The following SLF1 variants were observed in gnomAD, a reference collection of about 807,000 sequenced individuals.
SLF1 encodes SMC5-SMC6 complex localization factor protein 1.
A neutral mutation model predicts 123.0 loss-of-function variants in SLF1; 105 were observed. The observed-to-expected ratio is 0.85, with a 90% confidence interval of 0.73 to 1.00. The LOEUF (loss-of-function observed/expected upper bound fraction) is 1.00, where lower values mean the gene tolerates loss of function less well. Among genes scored for constraint, SLF1 ranks in the 50% least tolerant of loss-of-function variants. The pLI is 0.00. For missense variants in SLF1, 1,239 were observed against 1,223.0 expected (o/e 1.01, Z -0.20); for synonymous variants, 434 against 406.6 (o/e 1.07, Z -0.81).
intron 4 of SLF1, among the ~76,000 whole-genome samples, chr5:94,631,970 C>CTTTTTTT (rs1021934536): frequency 9.2e-6 from 1 of 108,788 alleles, no homozygotes; most frequent in Non-Finnish European, 1.9e-5. Flanking sequence ...TTTTTTCTTT[C>CTTTTTTT]TTTTTTTTTT....
At chr5:94,657,535 C>G (rs1748552153) in intron 9 of SLF1, among the ~76,000 whole-genome samples, 1 of 152,026 alleles carries the variant, frequency 6.6e-6, no homozygotes, top group Non-Finnish European at 1.5e-5. Flanking sequence ...AAAATGTTCT[C>G]TAAATGTCTG....
chr5:94,635,820 A>G (rs972271880), intron 4 of SLF1, among the ~76,000 whole-genome samples: 8 of 152,164 alleles, frequency 5.3e-5, no homozygotes, highest in African/African-American at 1.9e-4. Context: ...CACTAGAGAT[A>G]AAATTGCTTC....
chr5:94,654,083 T>C (rs1422138593), intron 8 of SLF1, among the ~76,000 whole-genome samples: 2 of 152,080 alleles, frequency 1.3e-5, no homozygotes, highest in Admixed American at 1.3e-4. Flanking sequence ...AGTGGGAGGA[T>C]TGCTTGAGCC....
chr5:94,653,328 A>C lies in SLF1; in HGVS notation c.939A>C (p.Lys313Asn). The C allele has an allele frequency of 6.5e-7, 1 of 1,527,464 alleles. No homozygotes were observed. The highest frequency in any genetic ancestry group is 8.8e-7 in the Non-Finnish European group (1 of 1,140,416). 94.6% of individuals were successfully genotyped at this position (1,527,464 alleles called of 1,614,324 possible). Reference sequence around the variant, plus strand: ...AGAGGAGTTATACTTTGAGGAGAAAACGCAAGAAAGGAAAAGAAAGCAATT... The same window carrying C: ...AGAGGAGTTATACTTTGAGGAGAAACCGCAAGAAAGGAAAAGAAAGCAATT... ...DIQRSYTLRRKRKKGKESNCK... is the reference protein window; with the variant it reads ...DIQRSYTLRRNRKKGKESNCK... The change falls in exon 8 of 21, where the codon AAA (lysine) becomes AAC (asparagine). Residue 313 changes from lysine (K) to asparagine (N), a missense_variant. Lys to Asn is a moderately conservative substitution (Grantham distance 94). Transcript: ENST00000265140.
chr5:94,620,389 A>G (rs915850341), intron 1 of SLF1, among the ~76,000 whole-genome samples: 1 of 152,242 alleles, frequency 6.6e-6, no homozygotes, highest in African/African-American at 2.4e-5. Flanking sequence ...GATCACGTGA[A>G]AGTCATTGAA....
At position 94,696,892 on chromosome 5, in the gene SLF1, ATAT is replaced by A. The variant is rs1475653795; in HGVS notation, c.*1585_*1587del. 6.6e-6 allele frequency: 1 copy of A among 151,818 alleles called. No homozygotes were observed. Among genetic ancestry groups the A allele is most frequent in the Non-Finnish European group, 1.5e-5 (1 of 67,856 alleles). The allele number at this position is 151,818 out of a possible 1,614,324, so 9.4% of individuals were successfully genotyped here. Reference sequence around the variant, plus strand: ...TATCACATCATATGACACTTAATAAATATTATTTCCTTTCTAATTCTTACCTCC... The same window carrying A: ...TATCACATCATATGACACTTAATAAATATTTCCTTTCTAATTCTTACCTCC... On this transcript the variant is annotated 3_prime_UTR_variant, in exon 21 of 21. Transcript: ENST00000265140.
At chr5:94,624,537 A>G (rs1585090981) in intron 1 of SLF1, among the ~76,000 whole-genome samples, 1 of 152,310 alleles carries the variant, frequency 6.6e-6, no homozygotes, top group East Asian at 1.9e-4. Context: ...TACCTTATTA[A>G]TAATCAAATT....
intron 1 of SLF1, among the ~76,000 whole-genome samples, chr5:94,620,329 T>C (rs1353317431): frequency 6.6e-6 from 1 of 152,228 alleles, no homozygotes; most frequent in Admixed American, 6.5e-5. Flanking sequence ...TTAAGTAAAA[T>C]TGAATTATAT....
rs185246768 is a variant in SLF1, at chr5:94,685,525, T to C, written c.1976-1048T>C. On this transcript the variant is annotated intron_variant, in intron 15 of 20. Coordinates refer to ENST00000265140, the MANE Select transcript of SLF1 (RefSeq NM_032290.4). ...CATTATGTTACATAGAGAATATTAA[T>C]AGTTTATAATATTAAATAGATCACA... Among the ~76,000 whole-genome samples the C allele has an allele frequency of 4.2e-3, 647 of 152,316 alleles. 2 individuals carry two copies. Among genetic ancestry groups the C allele is most frequent in the Non-Finnish European group, 6.6e-3 (451 of 68,034 alleles).
At chr5:94,620,108 G>C (rs1791587662) in intron 1 of SLF1, 1 of 152,246 alleles carries the variant, frequency 6.6e-6, no homozygotes, top group Non-Finnish European at 1.5e-5. Context: ...TCGAACTCCT[G>C]ATCTCAAGTG....
intron 16 of SLF1, 77 bp downstream of exon 16, chr5:94,686,795 T>G: frequency 6.9e-7 from 1 of 1,446,134 alleles, no homozygotes; most frequent in East Asian, 2.4e-5. Context: ...ATTTAGTTAT[T>G]TATTTATTTT....
intron 8 of SLF1, among the ~76,000 whole-genome samples, chr5:94,654,217 A>G (rs1387905839): frequency 2.6e-5 from 4 of 152,104 alleles, no homozygotes; most frequent in South Asian, 2.1e-4. Flanking sequence ...TTATGTATAT[A>G]TGCATATATT....
intron 5 of SLF1, among the ~76,000 whole-genome samples, chr5:94,646,162 C>T (rs1463013278): frequency 6.6e-6 from 1 of 152,192 alleles, no homozygotes; most frequent in Non-Finnish European, 1.5e-5. Context: ...GGCAGGTTTG[C>T]TTTAGCCCAG....
chr5:94,649,113 T>C (rs1344043493), intron 5 of SLF1, among the ~76,000 whole-genome samples: 1 of 152,166 alleles, frequency 6.6e-6, no homozygotes, highest in Non-Finnish European at 1.5e-5. Flanking sequence ...TGTCTATAAT[T>C]GATGATTTGT....
chr5:94,681,351 C>CA (rs1751743047), intron 15 of SLF1, among the ~76,000 whole-genome samples: 1 of 152,152 alleles, frequency 6.6e-6, no homozygotes, highest in South Asian at 2.1e-4. Context: ...AGGCTGGTCT[C>CA]AAACTCCAGA....
chr5:94,636,950 C>T (rs1745875834), intron 4 of SLF1, among the ~76,000 whole-genome samples: 1 of 151,966 alleles, frequency 6.6e-6, no homozygotes, highest in South Asian at 2.1e-4. Flanking sequence ...AAACTGCTGA[C>T]CTTAAGTGAT....
At chr5:94,662,505 A>G (rs550765725) in intron 10 of SLF1, among the ~76,000 whole-genome samples, 154 bp downstream of exon 10, 1 of 152,376 alleles carries the variant, frequency 6.6e-6, no homozygotes, top group African/African-American at 2.4e-5. Flanking sequence ...CTAATCAGAA[A>G]TGATAAAAAT....
At chr5:94,649,085 A>G (rs1303049749) in intron 5 of SLF1, among the ~76,000 whole-genome samples, 1 of 152,200 alleles carries the variant, frequency 6.6e-6, no homozygotes, top group African/African-American at 2.4e-5. Flanking sequence ...AAACTGAAAA[A>G]TAATCCAAGA....
At chr5:94,661,798 A>G (rs1427082845) in intron 9 of SLF1, among the ~76,000 whole-genome samples, 6 of 152,108 alleles carry the variant, frequency 3.9e-5, no homozygotes, top group Non-Finnish European at 8.8e-5. Flanking sequence ...TGGCCTTCCA[A>G]AGTGCTGGGA....
Sources: gnomAD v4.1 joint callset for allele counts (sites outside exome capture counted in the v4.1 genomes callset) on GRCh38, gnomAD v4.1.1 for gene constraint, MANE v1.5 for transcripts, NCBI Gene and HGNC (gene_info 2026-07-23, HGNC 2026-07-21) for gene names.